DNAH14: variants seen among roughly 807,000 people sequenced by gnomAD.
DNAH14 encodes dynein axonemal heavy chain 14.
Under a neutral mutation model 520.9 loss-of-function variants are expected in DNAH14, and 478 were observed. That is an observed-to-expected ratio of 0.92 (90% CI 0.85 to 0.99). The LOEUF (loss-of-function observed/expected upper bound fraction) is 0.99. Among genes scored for constraint, DNAH14 ranks in the 50% least tolerant of loss-of-function variants. DNAH14 has a pLI of 0.00. For synonymous variants in DNAH14, 1,581 were observed against 1,757.2 expected (o/e 0.90, Z 2.51); for missense variants, 4,831 against 5,234.5 (o/e 0.92, Z 2.38).
chr1:225,300,798 C>G, intron 55 of DNAH14, 71 bp from the exon 56 acceptor site: 1 of 1,441,058 alleles, frequency 6.9e-7, no homozygotes. Context: ...CTTGCTTCCT[C>G]AAATTGATGT....
chr1:225,184,186 A>C (rs2149308665), intron 36 of DNAH14, among the ~76,000 whole-genome samples: 1 of 152,348 alleles, frequency 6.6e-6, no homozygotes, highest in Non-Finnish European at 1.5e-5. Flanking sequence ...AATCCTCAAC[A>C]AAATACTAGC....
At chr1:225,062,702 G>A (rs1031407780) in intron 17 of DNAH14, among the ~76,000 whole-genome samples, 2 of 152,088 alleles carry the variant, frequency 1.3e-5, no homozygotes, top group Non-Finnish European at 2.9e-5. Flanking sequence ...CAGAGTGGAG[G>A]GTCTCAACAA....
chr1:225,206,843 A>G (rs2087630028), intron 40 of DNAH14, 125 bp from the exon 41 acceptor site: 1 of 864,294 alleles, frequency 1.2e-6, no homozygotes, highest in South Asian at 2.4e-5. Context: ...TTGCCCTTTA[A>G]TGAATGACAA....
chr1:225,119,146 A>C, intron 25 of DNAH14, 74 bp from the exon 26 acceptor site: 1 of 1,151,916 alleles, frequency 8.7e-7, no homozygotes, highest in East Asian at 2.8e-5. Flanking sequence ...AATTTAGTCT[A>C]CAGGCTTGTC....
At chr1:225,340,745 A>T (rs1176917294) in intron 69 of DNAH14, 44 bp downstream of exon 69, 2 of 1,500,908 alleles carry the variant, frequency 1.3e-6, no homozygotes, top group African/African-American at 2.8e-5. Flanking sequence ...TTTGCAAAGG[A>T]TAGAATAAAA....
intron 15 of DNAH14, among the ~76,000 whole-genome samples, chr1:225,046,906 C>T (rs1468790889): frequency 6.6e-6 from 1 of 152,140 alleles, no homozygotes; most frequent in Non-Finnish European, 1.5e-5. Context: ...ATACCTCCAT[C>T]CTTGTCTTGT....
intron 17 of DNAH14, among the ~76,000 whole-genome samples, chr1:225,078,859 CCTCTCTCTCT>C (rs752732306): frequency 0.057 from 1,079 of 18,948 alleles, 100 homozygotes; most frequent in African/African-American, 0.14. Context: ...TCTCTCTCTC[CCTCTCTCTCT>C]CTCTCTCTCT....
intron 41 of DNAH14, among the ~76,000 whole-genome samples, chr1:225,229,251 G>A (rs1019846529): frequency 6.6e-6 from 1 of 152,134 alleles, no homozygotes; most frequent in African/African-American, 2.4e-5. Flanking sequence ...CTCAACCAGA[G>A]TCTTTGGGAC....
intron 23 of DNAH14, among the ~76,000 whole-genome samples, chr1:225,105,697 T>C (rs1168770170): frequency 6.6e-6 from 1 of 152,150 alleles, no homozygotes; most frequent in Non-Finnish European, 1.5e-5. Flanking sequence ...TATCAGAGAC[T>C]AAGATTGCAA....
intron 77 of DNAH14, among the ~76,000 whole-genome samples, chr1:225,371,011 A>C (rs967376713): frequency 8.5e-5 from 13 of 152,230 alleles, no homozygotes; most frequent in Admixed American, 2.0e-4. Context: ...AAATGACACC[A>C]GAATGAGATG....
intron 26 of DNAH14, among the ~76,000 whole-genome samples, chr1:225,120,819 T>C (rs2077229527): frequency 6.6e-6 from 1 of 152,144 alleles, no homozygotes; most frequent in Non-Finnish European, 1.5e-5. Context: ...AGACAAGCAG[T>C]TTTTCAATTG....
At chr1:225,365,342 T>G (rs764434915) in intron 76 of DNAH14, among the ~76,000 whole-genome samples, 42 of 152,188 alleles carry the variant, frequency 2.8e-4, no homozygotes, top group Non-Finnish European at 5.1e-4. Flanking sequence ...GAATAAATAG[T>G]AAGACAGTCA....
intron 1 of DNAH14, among the ~76,000 whole-genome samples, chr1:224,952,249 A>T (rs2060227022): frequency 6.6e-6 from 1 of 152,178 alleles, no homozygotes; most frequent in South Asian, 2.1e-4. Context: ...TAGTATATGG[A>T]TGTGGCCTTT....
intron 81 of DNAH14, among the ~76,000 whole-genome samples, chr1:225,384,098 GAAAC>G (rs2095811309): frequency 1.3e-5 from 2 of 152,178 alleles, no homozygotes; most frequent in African/African-American, 4.8e-5. Flanking sequence ...TGTGGTCTAA[GAAAC>G]AGTTTGTTAC....
At chr1:224,966,863 AT>A (rs1363251170) in intron 5 of DNAH14, among the ~76,000 whole-genome samples, 3 of 152,094 alleles carry the variant, frequency 2.0e-5, no homozygotes, top group Non-Finnish European at 2.9e-5. Context: ...CAGAGTATTA[AT>A]TTCTGCAATT....
intron 66 of DNAH14, among the ~76,000 whole-genome samples, chr1:225,335,187 GTGTATATATGCACACA>G: frequency 7.2e-6 from 1 of 139,304 alleles, no homozygotes; most frequent in Non-Finnish European, 1.6e-5. Flanking sequence ...GTGCGCATGT[GTGTATATATGCACACA>G]CGTACATGTG....
intron 38 of DNAH14, among the ~76,000 whole-genome samples, chr1:225,197,127 T>C (rs2086244599): frequency 6.6e-6 from 1 of 152,098 alleles, no homozygotes. Context: ...AGCCAATGTC[T>C]AGAAGGGTTT....
intron 8 of DNAH14, among the ~76,000 whole-genome samples, chr1:224,978,033 A>C (rs971627515): frequency 2.0e-5 from 3 of 152,226 alleles, no homozygotes; most frequent in African/African-American, 7.2e-5. Context: ...GAGGATATGG[A>C]GAAAAGATAA....
chr1:225,327,032 G>A (rs761124566), intron 64 of DNAH14, among the ~76,000 whole-genome samples: 50 of 152,132 alleles, frequency 3.3e-4, no homozygotes, highest in Non-Finnish European at 6.3e-4. Context: ...CTTCTCAGTT[G>A]CACCTGAGAT....
Sources: allele counts gnomAD v4.1 joint callset (sites outside exome capture counted in the v4.1 genomes callset), GRCh38; gene constraint gnomAD v4.1.1; transcripts MANE v1.5; gene names NCBI Gene and HGNC (gene_info 2026-07-23, HGNC 2026-07-21).